CDC14A: variants seen among roughly 807,000 people sequenced by gnomAD.
CDC14A encodes the protein dual specificity protein phosphatase CDC14A.
Under a neutral mutation model 74.4 loss-of-function variants are expected in CDC14A, and 53 were observed. That is an observed-to-expected ratio of 0.71 (90% CI 0.57 to 0.89). CDC14A has a LOEUF of 0.89. Among genes scored for constraint, CDC14A ranks in the 40% least tolerant of loss-of-function variants. The probability of loss-of-function intolerance (pLI) is 0.00; values close to 1 mark genes in which losing one functional copy is unlikely to be tolerated. For missense variants in CDC14A, 646 were observed against 713.7 expected (o/e 0.91, Z 1.08); for synonymous variants, 247 against 258.4 (o/e 0.96, Z 0.43).
In CDC14A at chr1:100,354,000, G is replaced by A. The variant is rs536411991; in HGVS notation, c.140+148G>A. The A allele has an allele frequency of 1.3e-4, 84 of 636,674 alleles. 3 individuals are homozygous for A. In the South Asian group the frequency reaches 1.4e-3, roughly 11 times the overall value. 39.4% of individuals were successfully genotyped at this position (636,674 alleles called of 1,614,324 possible). On this transcript the variant is annotated intron_variant, in intron 2 of 15. Coordinates refer to ENST00000336454, the MANE Select transcript of CDC14A (RefSeq NM_003672.4). Reference sequence around the variant, plus strand: ...ATTTTTTAAGACTCAGGTGCCTGGGGAGAAGTTCAGAGAAAATTGACAGAA... The same window carrying A: ...ATTTTTTAAGACTCAGGTGCCTGGGAAGAAGTTCAGAGAAAATTGACAGAA...
At chr1:100,463,255 G>A (rs1200194573) in intron 9 of CDC14A, among the ~76,000 whole-genome samples, 1 of 151,790 alleles carries the variant, frequency 6.6e-6, no homozygotes, top group South Asian at 2.1e-4. Context: ...TTTCAGAATT[G>A]CCCATCTCTT....
chr1:100,350,834 T>C (rs1371786339), upstream of CDC14A, among the ~76,000 whole-genome samples: 1 of 152,258 alleles, frequency 6.6e-6, no homozygotes, highest in Non-Finnish European at 1.5e-5. Context: ...GGCAAGTTTA[T>C]CGAGAGATTC....
intron 4 of CDC14A, among the ~76,000 whole-genome samples, chr1:100,416,996 G>T (rs901397670): frequency 6.6e-6 from 1 of 152,134 alleles, no homozygotes; most frequent in African/African-American, 2.4e-5. Context: ...CAGGCATAGT[G>T]TTGAGTCCTG....
rs866542298 is a variant in CDC14A at position 100,508,318 on chromosome 1, A to G, written c.1755+9056A>G. Among the ~76,000 whole-genome samples, 2 of 150,294 alleles carry G rather than the reference A, an allele frequency of 1.3e-5. No individual in the cohort carries two copies. The highest frequency in any genetic ancestry group is 3.4e-3 in the Middle Eastern group (1 of 294). ...ATAGATATATATATATATTTTTTTCACTTGAAGGATCTCAGGTGATAAGCC... is the reference window on the plus strand; with the variant it reads ...ATAGATATATATATATATTTTTTTCGCTTGAAGGATCTCAGGTGATAAGCC... On this transcript the variant is annotated intron_variant, in intron 15 of 15. Coordinates refer to ENST00000336454, the MANE Select transcript of CDC14A (RefSeq NM_003672.4). The surrounding 1 kb of genome is among the most constrained non-coding windows in gnomAD (Gnocchi z 4.4).
intron 4 of CDC14A, among the ~76,000 whole-genome samples, chr1:100,395,021 T>C (rs1658276189): frequency 6.6e-6 from 1 of 152,342 alleles, no homozygotes. Flanking sequence ...GTAACTTACA[T>C]GAGGCAAGCT....
At chr1:100,433,848 A>G (rs1664009809) in intron 5 of CDC14A, among the ~76,000 whole-genome samples, 2 of 152,268 alleles carry the variant, frequency 1.3e-5, no homozygotes, top group South Asian at 2.1e-4. Context: ...GCTGATTTCC[A>G]TGGTACAAAT....
chr1:100,351,601 T>A, upstream of CDC14A: 1 of 650,040 alleles, frequency 1.5e-6, no homozygotes. Flanking sequence ...CTTGGACCAG[T>A]GGACTCTCCT....
intron 15 of CDC14A, chr1:100,504,742 C>G: frequency 8.5e-7 from 1 of 1,182,762 alleles, no homozygotes; most frequent in Non-Finnish European, 1.2e-6. Flanking sequence ...GCCCTCTGTA[C>G]TGCATTTCTG....
intron 5 of CDC14A, among the ~76,000 whole-genome samples, chr1:100,434,153 G>T (rs1664042871): frequency 6.6e-6 from 1 of 152,176 alleles, no homozygotes; most frequent in Non-Finnish European, 1.5e-5. Context: ...TATGGTCATA[G>T]TTGTGGATTT....
At chr1:100,350,884 T>C (rs1650903665), upstream of CDC14A, among the ~76,000 whole-genome samples, 1 of 152,224 alleles carries the variant, frequency 6.6e-6, no homozygotes, top group Non-Finnish European at 1.5e-5. Flanking sequence ...TAAGAAATAC[T>C]AGATTTTTTT....
intron 4 of CDC14A, chr1:100,391,074 G>T: frequency 2.1e-6 from 1 of 472,404 alleles, no homozygotes; most frequent in Non-Finnish European, 3.9e-6. Context: ...CAGTTATATA[G>T]GTATTTTAAT....
At chr1:100,357,467 G>A (rs1652079673) in intron 2 of CDC14A, among the ~76,000 whole-genome samples, 2 of 152,132 alleles carry the variant, frequency 1.3e-5, no homozygotes, top group South Asian at 4.1e-4. Flanking sequence ...AGTAACCCGG[G>A]CTCTGTCTGG....
chr1:100,474,090 C>G (rs1668656402), intron 10 of CDC14A, among the ~76,000 whole-genome samples: 1 of 152,090 alleles, frequency 6.6e-6, no homozygotes, highest in African/African-American at 2.4e-5. Context: ...ACTTTTTTGG[C>G]ATTGATTGAT....
chr1:100,504,844 C>T, intron 15 of CDC14A: 2 of 1,535,726 alleles, frequency 1.3e-6, no homozygotes, highest in South Asian at 1.2e-5. Context: ...CTTTAGGAAG[C>T]CCTTTCTTGG....
Position 100,393,200 on chromosome 1 carries a change from GTTCT to G in CDC14A, c.309+2381_309+2384del, listed in dbSNP as rs1164247595. On this transcript the variant is annotated intron_variant, in intron 4 of 15. Transcript: ENST00000336454. Reference sequence around the variant, plus strand: ...ATTTAGATCCAGCTGTGAGTTGCATGTTCTTTCTCTGCCAGTTTAAATCTTGAAT... The same window carrying G: ...ATTTAGATCCAGCTGTGAGTTGCATGTTCTCTGCCAGTTTAAATCTTGAAT... The G allele has an allele frequency of 3.1e-5, 50 of 1,594,164 alleles. No homozygotes were observed. In the African/African-American group the frequency reaches 5.9e-4, roughly 19 times the overall value.
At chr1:100,383,439 AC>A (rs1221380182) in intron 3 of CDC14A, 6 of 152,656 alleles carry the variant, frequency 3.9e-5, no homozygotes, top group African/African-American at 1.4e-4. Flanking sequence ...TAAATAAAAA[AC>A]ATAAACCATA....
intron 2 of CDC14A, among the ~76,000 whole-genome samples, chr1:100,369,860 GAGTGCTGTGGC>G (rs1410487435): frequency 1.3e-5 from 2 of 151,004 alleles, no homozygotes; most frequent in Non-Finnish European, 1.5e-5. Context: ...ACCTAAGTTG[GAGTGCTGTGGC>G]ATAATCATGG....
chr1:100,467,417 A>G (rs767759164), intron 9 of CDC14A, among the ~76,000 whole-genome samples: 27 of 134,992 alleles, frequency 2.0e-4, no homozygotes, highest in South Asian at 5.4e-4. Flanking sequence ...GCACACACAC[A>G]CACGCATATG....
At chr1:100,437,847 A>T (rs1664512985) in intron 5 of CDC14A, among the ~76,000 whole-genome samples, 1 of 152,072 alleles carries the variant, frequency 6.6e-6, no homozygotes, top group Non-Finnish European at 1.5e-5. Flanking sequence ...AGAATAAGGG[A>T]TACCTCTACA....
Sources: gnomAD v4.1 joint callset for allele counts (sites outside exome capture counted in the v4.1 genomes callset) on GRCh38, gnomAD v4.1.1 for gene constraint, Gnocchi (gnomAD v3.1) non-coding constraint, MANE v1.5 for transcripts, NCBI Gene and HGNC (gene_info 2026-07-23, HGNC 2026-07-21) for gene names.